Variants in FAM91A1 observed in about 807,000 individuals in gnomAD.
FAM91A1 encodes protein FAM91A1.
In FAM91A1, 41 loss-of-function variants were observed where a neutral mutation model predicts 113.5. The ratio of observed to expected loss-of-function variants is 0.36; its 90% CI spans 0.28 to 0.47. The LOEUF (loss-of-function observed/expected upper bound fraction) is 0.47, where lower values mean the gene tolerates loss of function less well. Ranked by LOEUF, FAM91A1 falls within the 20% of genes least tolerant of loss-of-function variation. The pLI, the probability that FAM91A1 is intolerant of heterozygous loss-of-function variation, is 1.00. For missense variants in FAM91A1, 696 were observed against 1,001.2 expected (o/e 0.70, Z 4.11); for synonymous variants, 307 against 347.9 (o/e 0.88, Z 1.31).
chr8:123,784,294 T>C (rs1384015226), intron 8 of FAM91A1, among the ~76,000 whole-genome samples, 176 bp from the exon 9 acceptor site: 1 of 152,202 alleles, frequency 6.6e-6, no homozygotes, highest in Non-Finnish European at 1.5e-5. Context: ...CTTCAGAGTC[T>C]TCTCTGTGTA....
Position 123,787,951 on chromosome 8 carries a change from A to G in FAM91A1, c.1278+201A>G, listed in dbSNP as rs530209577. The stretch of plus-strand genomic sequence containing the variant: ...TGGGTGAATTGATTTTGTGATTTTT[A>G]AAGTGATATGTCTACCTCATCTAAT... On this transcript the variant is annotated intron_variant, in intron 14 of 23. Coordinates refer to ENST00000334705, the MANE Select transcript of FAM91A1 (RefSeq NM_144963.4). Among the ~76,000 whole-genome samples the G allele has an allele frequency of 2.2e-4, 33 of 152,326 alleles. No homozygotes were observed. In the South Asian group the frequency reaches 6.4e-3, roughly 30 times the overall value.
Position 123,784,551 on chromosome 8 carries a change from T to C in FAM91A1, c.785T>C (p.Ile262Thr). ...ETLLYKIFVS[I>T]DEHTNVAELA... ...CTACTCTATAAGATATTTGTTTCAA[T>C]AGATGAGCACACAAATGTTGCAGAG... is the stretch of plus-strand genomic sequence containing the variant. The change falls in exon 9 of 24, where the codon ATA becomes ACA. Residue 262 changes from isoleucine to threonine, a missense_variant. Ile to Thr is a moderately conservative substitution (Grantham distance 89). Transcript: ENST00000334705. 2 of 1,606,496 alleles carry C rather than the reference T, an allele frequency of 1.2e-6. No individual in the cohort carries two copies. Among genetic ancestry groups the C allele is most frequent in the Non-Finnish European group, 1.7e-6 (2 of 1,177,286 alleles).
intron 8 of FAM91A1, 138 bp downstream of exon 8, chr8:123,780,680 A>T (rs1586373272): frequency 1.6e-6 from 1 of 626,150 alleles, no homozygotes; most frequent in East Asian, 3.3e-5. Context: ...TTAACATAGT[A>T]CATTGGTTTT....
chr8:123,785,141 T>G (rs375128031), intron 10 of FAM91A1, 22 bp downstream of exon 10: 17 of 1,570,806 alleles, frequency 1.1e-5, no homozygotes, highest in African/African-American at 5.5e-5. Flanking sequence ...TTATACTCAT[T>G]TACTGGTGAT....
intron 15 of FAM91A1, among the ~76,000 whole-genome samples, chr8:123,797,828 C>T (rs371015682): frequency 2.0e-4 from 30 of 151,836 alleles, no homozygotes; most frequent in Middle Eastern, 3.4e-3. Flanking sequence ...AGAGGAAGTA[C>T]GGTAAAACAA....
chr8:123,810,406 A>G, intron 23 of FAM91A1, 55 bp downstream of exon 23: 1 of 1,459,396 alleles, frequency 6.9e-7, no homozygotes, highest in South Asian at 1.2e-5. Context: ...AAGTATGCAC[A>G]ACACTTCTGT....
At chr8:123,791,803 G>C (rs1305367918) in intron 15 of FAM91A1, among the ~76,000 whole-genome samples, 1 of 152,176 alleles carries the variant, frequency 6.6e-6, no homozygotes, top group East Asian at 1.9e-4. Context: ...GGGCATTAAG[G>C]CTTCATGCTC....
intron 12 of FAM91A1, among the ~76,000 whole-genome samples, chr8:123,787,048 A>C (rs1333921320): frequency 6.6e-6 from 1 of 152,246 alleles, no homozygotes; most frequent in African/African-American, 2.4e-5. Context: ...AGGGAAACAC[A>C]GCATAGTGGA....
At chr8:123,784,862 G>A in intron 9 of FAM91A1, 1 of 423,154 alleles carries the variant, frequency 2.4e-6, no homozygotes, top group Non-Finnish European at 4.1e-6. Flanking sequence ...CGAAATTAAA[G>A]AGTAAGGAAT....
Position 123,785,642 on chromosome 8 carries a change from T to C in FAM91A1, c.863T>C (p.Met288Thr). ...DLSLVKNAVS[M>T]YCRLGFAHKK... ...TATTCCTTTCAGAATGCTGTTTCAA[T>C]GTATTGCCGATTGGGCTTTGCCCAT... Residue 288 changes from methionine (M) to threonine (T), a missense_variant, in exon 11 of 24, where the codon ATG becomes ACG. By Grantham distance (81) the Met-to-Thr change is moderately conservative. Coordinates refer to ENST00000334705, the MANE Select transcript of FAM91A1 (RefSeq NM_144963.4). The C allele has an allele frequency of 1.2e-6, 2 of 1,601,474 alleles. 1 individual carries two copies. Among genetic ancestry groups the C allele is most frequent in the South Asian group, 2.3e-5 (2 of 88,582 alleles).
Position 123,814,128 on chromosome 8 carries a change from A to G in FAM91A1, c.*1424A>G, listed in dbSNP as rs747379402. Reference sequence around the variant, plus strand: ...ACAGTCAGTGCTGTGTTTGAGGTAAATGCAGTAACGGTTAGTTTTCTACTT... The same window carrying G: ...ACAGTCAGTGCTGTGTTTGAGGTAAGTGCAGTAACGGTTAGTTTTCTACTT... On this transcript the variant is annotated 3_prime_UTR_variant, in exon 24 of 24. Transcript: ENST00000334705. 8 of 386,360 alleles carry G rather than the reference A, an allele frequency of 2.1e-5. No homozygotes were observed. Among genetic ancestry groups the G allele is most frequent in the South Asian group, 1.6e-4 (8 of 50,354 alleles). 23.9% of individuals were successfully genotyped at this position (386,360 alleles called of 1,614,324 possible). A position where few individuals can be genotyped will look rare whatever the true frequency, so the allele number is the denominator to read the frequency against.
chr8:123,771,196 C>T (rs1814828533), intron 1 of FAM91A1, among the ~76,000 whole-genome samples: 1 of 152,178 alleles, frequency 6.6e-6, no homozygotes, highest in Non-Finnish European at 1.5e-5. Flanking sequence ...TATTCCTCAC[C>T]TGTCATAGAG....
intron 1 of FAM91A1, among the ~76,000 whole-genome samples, chr8:123,771,340 T>G (rs139885125): frequency 2.2e-4 from 33 of 152,356 alleles, no homozygotes; most frequent in East Asian, 1.9e-3. Flanking sequence ...TTGGGGAATA[T>G]TCCTTCTATG....
In FAM91A1 at chr8:123,790,303, G is replaced by A. The variant is rs1321759352; in HGVS notation, c.1411+558G>A. 2.0e-5 allele frequency among the ~76,000 whole-genome samples: 3 copies of A among 152,308 alleles called. No individual in the cohort carries two copies. The East Asian group carries it at 5.8e-4, about 29-fold the overall frequency. On this transcript the variant is annotated intron_variant, in intron 15 of 23. Transcript: ENST00000334705. ...GGCACTCTCAGTTTTGTGATAGTTG[G>A]GGGTTCCCAAACTTTAGTTGAATTG...
intron 12 of FAM91A1, among the ~76,000 whole-genome samples, chr8:123,786,852 C>A (rs1335476089): frequency 6.6e-6 from 1 of 152,134 alleles, no homozygotes; most frequent in East Asian, 1.9e-4. Context: ...AAACAAATTA[C>A]AACAACACGG....
chr8:123,784,413 A>T, intron 8 of FAM91A1, 57 bp from the exon 9 acceptor site: 2 of 1,286,522 alleles, frequency 1.6e-6, no homozygotes, highest in Non-Finnish European at 2.2e-6. Flanking sequence ...TGTAAATTAT[A>T]CTTTCTTGTT....
At chr8:123,808,444 A>T (rs1178368775) in intron 21 of FAM91A1, 68 bp downstream of exon 21, 10 of 1,271,776 alleles carry the variant, frequency 7.9e-6, no homozygotes, top group African/African-American at 6.0e-5. Context: ...ATGTTAAGGC[A>T]TTTGCATGCC....
At chr8:123,771,591 G>T (rs1044328244) in intron 1 of FAM91A1, among the ~76,000 whole-genome samples, 1 of 152,148 alleles carries the variant, frequency 6.6e-6, no homozygotes, top group Admixed American at 6.5e-5. Context: ...AATTGTGGAT[G>T]GGGCCATTAT....
chr8:123,808,459 G>A lies in FAM91A1; in HGVS notation c.2137+83G>A, dbSNP rs1456466539. 3 of 1,063,642 alleles carry A rather than the reference G, an allele frequency of 2.8e-6. No individual in the cohort carries two copies. The African/African-American group carries it at 4.9e-5, about 17-fold the overall frequency. The allele number at this position is 1,063,642 out of a possible 1,614,324, so 65.9% of individuals were successfully genotyped here. On this transcript the variant is annotated intron_variant, in intron 21 of 23. Transcript: ENST00000334705. Reference sequence around the variant, plus strand: ...ATGTTAAGGCATTTGCATGCCATTTGTCTATTCTTATTATTCATACGACTT... The same window carrying A: ...ATGTTAAGGCATTTGCATGCCATTTATCTATTCTTATTATTCATACGACTT...
Sources: allele counts gnomAD v4.1 joint callset (sites outside exome capture counted in the v4.1 genomes callset), GRCh38; gene constraint gnomAD v4.1.1; transcripts MANE v1.5; gene names NCBI Gene and HGNC (gene_info 2026-07-23, HGNC 2026-07-21).